Variants in TXNL4A observed in about 807,000 individuals in gnomAD.
TXNL4A encodes the protein thioredoxin like 4A.
TXNL4A carries 17 observed loss-of-function variants against 14.6 expected under a neutral mutation model. The observed-to-expected ratio is 1.16, with a 90% CI of 0.80 to 1.74. The LOEUF is 1.74. Ranked by LOEUF, TXNL4A falls within the 40% of genes most tolerant of loss-of-function variation. The pLI, the probability that TXNL4A is intolerant of heterozygous loss-of-function variation, is 0.00. For synonymous variants in TXNL4A, 83 were observed against 70.6 expected, an observed-to-expected ratio of 1.18 and a Z score of -0.88; for missense variants, 74 against 195.2, an observed-to-expected ratio of 0.38 and a Z score of 3.70.
chr18:80,025,311 T>C (rs79492776), intron 1 of TXNL4A, among the ~76,000 whole-genome samples: 3 of 152,334 alleles, frequency 2.0e-5, no homozygotes, highest in African/African-American at 7.2e-5. Flanking sequence ...AAAGAAATCC[T>C]TGAAATCCCT....
rs773651684 is a variant in TXNL4A, at chr18:79,972,265, C to G, written c.*1420G>C. On this transcript the variant is annotated 3_prime_UTR_variant, in exon 3 of 3. Coordinates refer to ENST00000269601, the MANE Select transcript of TXNL4A (RefSeq NM_006701.5). ...GGAAACAAAGCTCAGAGAAGGTACC[C>G]TGCCCAAGGTCACTTGGTGGGGCAG... 6.6e-6 allele frequency: 1 copy of G among 152,258 alleles called. No homozygotes were observed. The highest frequency in any genetic ancestry group is 1.5e-5 in the Non-Finnish European group (1 of 68,082). 9.4% of individuals were successfully genotyped at this position (152,258 alleles called of 1,614,324 possible).
At chr18:80,031,587 T>C (rs1032534010) in intron 1 of TXNL4A, among the ~76,000 whole-genome samples, 1 of 152,202 alleles carries the variant, frequency 6.6e-6, no homozygotes, top group Non-Finnish European at 1.5e-5. Flanking sequence ...AGATGCTATA[T>C]GGGATATAGA....
chr18:80,014,627 G>A (rs1028365634), intron 1 of TXNL4A, among the ~76,000 whole-genome samples: 1 of 152,186 alleles, frequency 6.6e-6, no homozygotes, highest in Non-Finnish European at 1.5e-5. Context: ...GGCGTTGAGT[G>A]TCTGCTACAC....
upstream of TXNL4A, among the ~76,000 whole-genome samples, chr18:79,989,749 C>T (rs1314189149): frequency 6.6e-6 from 1 of 152,128 alleles, no homozygotes; most frequent in African/African-American, 2.4e-5. Context: ...AATCCCAGCA[C>T]TTTGGGAGGC....
intron 1 of TXNL4A, among the ~76,000 whole-genome samples, chr18:80,010,659 C>T (rs2051763808): frequency 6.6e-6 from 1 of 152,198 alleles, no homozygotes; most frequent in Non-Finnish European, 1.5e-5. Flanking sequence ...CAGCCTTGTT[C>T]CCTTATTTGA....
rs909720216 is a variant in TXNL4A at position 79,982,960 on chromosome 18, C to T, written c.154-5259G>A. Among the ~76,000 whole-genome samples the T allele has an allele frequency of 6.6e-6, 1 of 152,168 alleles. No homozygotes were observed. The highest frequency in any genetic ancestry group is 2.4e-5 in the African/African-American group (1 of 41,432). On this transcript the variant is annotated intron_variant, in intron 1 of 2. Coordinates refer to ENST00000269601, the MANE Select transcript of TXNL4A (RefSeq NM_006701.5). The surrounding 1 kb of genome is among the most constrained non-coding windows in gnomAD (Gnocchi z 4.0). ...GAGGAGCTGGGTGAGTGCAGCCACA[C>T]TGCTCTGCCAAGTCATCCTGTGACT...
intron 1 of TXNL4A, among the ~76,000 whole-genome samples, chr18:79,979,086 T>C (rs2051424138): frequency 6.6e-6 from 1 of 151,882 alleles, no homozygotes. Flanking sequence ...TACAGGTGTG[T>C]GCCACCACGT....
At chr18:79,986,166 A>G (rs8098762) in intron 1 of TXNL4A, among the ~76,000 whole-genome samples, 1 of 151,990 alleles carries the variant, frequency 6.6e-6, no homozygotes, top group Non-Finnish European at 1.5e-5. Flanking sequence ...CAGCCTCCCA[A>G]GTAGCTGGGA....
upstream of TXNL4A, among the ~76,000 whole-genome samples, chr18:79,990,016 A>G (rs899338763): frequency 3.3e-5 from 5 of 152,130 alleles, no homozygotes; most frequent in Admixed American, 6.6e-5. Context: ...ACAAATCACT[A>G]TGCAGATGCT....
intron 1 of TXNL4A, among the ~76,000 whole-genome samples, chr18:79,984,708 T>G (rs993976314): frequency 6.6e-6 from 1 of 152,246 alleles, no homozygotes; most frequent in South Asian, 2.1e-4. Context: ...CTTGACCTCC[T>G]GAGCTCATAC....
rs566141236 is a variant in TXNL4A, at chr18:79,982,258, G to C, written c.154-4557C>G. 1.3e-5 allele frequency among the ~76,000 whole-genome samples: 2 copies of C among 152,198 alleles called. No homozygotes were observed. The highest frequency in any genetic ancestry group is 4.8e-5 in the African/African-American group (2 of 41,458). Reference sequence around the variant, plus strand: ...TGGGGACCGATGCGCAGGTGGACTGGCCCACAGAGGACCTTTTCCACTTGG... The same window carrying C: ...TGGGGACCGATGCGCAGGTGGACTGCCCCACAGAGGACCTTTTCCACTTGG... On this transcript the variant is annotated intron_variant, in intron 1 of 2. Transcript: ENST00000269601. This position sits in a 1 kb window ranked among gnomAD's most constrained non-coding sequence, Gnocchi z 4.0.
intron 1 of TXNL4A, 114 bp downstream of exon 1, chr18:79,988,126 A>T (rs2051582782): frequency 2.4e-6 from 3 of 1,238,830 alleles, no homozygotes; most frequent in Non-Finnish European, 3.1e-6. Flanking sequence ...TGAACGACGG[A>T]GCCGCGGCCC....
chr18:80,027,966 C>T (rs1364046356), intron 1 of TXNL4A, among the ~76,000 whole-genome samples: 1 of 152,158 alleles, frequency 6.6e-6, no homozygotes, highest in Admixed American at 6.5e-5. Flanking sequence ...ATGACTCAAA[C>T]TCTGTAGGCA....
intron 1 of TXNL4A, among the ~76,000 whole-genome samples, chr18:80,014,885 G>A (rs1417362952): frequency 6.6e-6 from 1 of 152,200 alleles, no homozygotes; most frequent in Admixed American, 6.5e-5. Flanking sequence ...TGAAATCTAG[G>A]AAGAGGTTCC....
chr18:80,015,804 T>C (rs2051804673), intron 1 of TXNL4A, among the ~76,000 whole-genome samples: 1 of 148,346 alleles, frequency 6.7e-6, no homozygotes, highest in African/African-American at 2.5e-5. Context: ...CTATTGTGAA[T>C]AGTGCTGCAA....
Position 80,028,251 on chromosome 18 carries a change from T to C in TXNL4A, c.-61+5600A>G, listed in dbSNP as rs572266574. 1.7e-4 allele frequency among the ~76,000 whole-genome samples: 25 copies of C among 149,490 alleles called. No homozygotes were observed. In the South Asian group the frequency reaches 4.6e-3, roughly 28 times the overall value. ...CCTTGTGTGAGAGCAGTAGCAACCA[T>C]GGCCCTTCTGTACAAGTCTGTTGAA... On this transcript the variant is annotated intron_variant, in intron 1 of 2. Coordinates refer to the TXNL4A transcript ENST00000585474.
At chr18:80,008,795 T>C (rs1012555319) in intron 1 of TXNL4A, among the ~76,000 whole-genome samples, 7 of 152,216 alleles carry the variant, frequency 4.6e-5, no homozygotes, top group East Asian at 3.9e-4. Context: ...TTCTTTCTTT[T>C]GAGATGGAGT....
At chr18:79,984,737 G>A (rs1378212069) in intron 1 of TXNL4A, among the ~76,000 whole-genome samples, 1 of 152,206 alleles carries the variant, frequency 6.6e-6, no homozygotes, top group African/African-American at 2.4e-5. Flanking sequence ...AGCCTCCTGA[G>A]TAGTGGGGTT....
chr18:79,981,248 A>C (rs1272678656), intron 1 of TXNL4A, among the ~76,000 whole-genome samples: 3 of 152,248 alleles, frequency 2.0e-5, no homozygotes, highest in Non-Finnish European at 4.4e-5. Context: ...TCATTTGGAC[A>C]GGGTTGTAAA....
Sources: allele counts gnomAD v4.1 joint callset (sites outside exome capture counted in the v4.1 genomes callset), GRCh38; gene constraint gnomAD v4.1.1; non-coding constraint Gnocchi (gnomAD v3.1); transcripts MANE v1.5; gene names NCBI Gene and HGNC (gene_info 2026-07-23, HGNC 2026-07-21).